The following CDK19 variants were observed in gnomAD, a reference collection of about 807,000 sequenced individuals.
CDK19 encodes cyclin dependent kinase 19, also known as cyclin-dependent kinase 19.
CDK19 carries 20 observed loss-of-function variants against 68.3 expected under a neutral mutation model. The ratio of observed to expected loss-of-function variants is 0.29; its 90% CI spans 0.21 to 0.43. The LOEUF (loss-of-function observed/expected upper bound fraction) is 0.43. Among genes scored for constraint, CDK19 ranks in the 20% least tolerant of loss-of-function variants. CDK19 has a pLI of 1.00. For synonymous variants in CDK19, 221 were observed against 222.8 expected, an observed-to-expected ratio of 0.99 and a Z score of 0.07; for missense variants, 339 against 623.5, an observed-to-expected ratio of 0.54 and a Z score of 4.86.
chr6:110,692,899 A>T (rs1562203228), intron 2 of CDK19, among the ~76,000 whole-genome samples: 1 of 152,196 alleles, frequency 6.6e-6, no homozygotes, highest in Non-Finnish European at 1.5e-5. Flanking sequence ...TGGGAGGCTG[A>T]GGCAGGAGAA....
At chr6:110,646,734 G>T (rs527562718) in intron 4 of CDK19, among the ~76,000 whole-genome samples, 65 of 152,084 alleles carry the variant, frequency 4.3e-4, no homozygotes, top group African/African-American at 1.5e-3. Flanking sequence ...AACCCACCTC[G>T]GCTGCCTCCC....
rs75659531 is a variant in CDK19 at position 110,734,262 on chromosome 6, A to G, written c.204+11864T>C. Among the ~76,000 whole-genome samples, 3,325 of 152,142 alleles carry G rather than the reference A, an allele frequency of 0.022. 357 individuals are homozygous for G. The East Asian group carries it at 0.35, about 16-fold the overall frequency. ...TGAGCTCAAGTGATCCACCCGCCTCAGCCTCCGAAAGTGCTGGGATTACAG... is the reference window on the plus strand; with the variant it reads ...TGAGCTCAAGTGATCCACCCGCCTCGGCCTCCGAAAGTGCTGGGATTACAG... On this transcript the variant is annotated intron_variant, in intron 2 of 12. Transcript: ENST00000368911.
intron 1 of CDK19, among the ~76,000 whole-genome samples, chr6:110,751,795 T>C (rs2114907293): frequency 6.6e-6 from 1 of 152,218 alleles, no homozygotes; most frequent in South Asian, 2.1e-4. Flanking sequence ...ATTACCAGTT[T>C]TTACAACTAG....
chr6:110,765,300 G>A (rs1405282420), intron 1 of CDK19, among the ~76,000 whole-genome samples: 4 of 152,088 alleles, frequency 2.6e-5, no homozygotes, highest in African/African-American at 9.7e-5. Context: ...GATCACTTGA[G>A]CCCTGGAGGT....
At chr6:110,658,743 T>C (rs1398911771) in intron 4 of CDK19, among the ~76,000 whole-genome samples, 3 of 152,180 alleles carry the variant, frequency 2.0e-5, no homozygotes, top group African/African-American at 7.2e-5. Context: ...ATTTCACATA[T>C]TTACACTAGA....
intron 2 of CDK19, among the ~76,000 whole-genome samples, chr6:110,674,800 G>T (rs1353900213): frequency 6.6e-6 from 1 of 151,902 alleles, no homozygotes; most frequent in African/African-American, 2.4e-5. Context: ...TACTCGAGAG[G>T]CTGAGGCAGG....
At chr6:110,793,874 T>C (rs905606474) in intron 1 of CDK19, among the ~76,000 whole-genome samples, 7 of 152,204 alleles carry the variant, frequency 4.6e-5, no homozygotes, top group African/African-American at 1.2e-4. Flanking sequence ...GGTGAATACT[T>C]GTTAATATCC....
chr6:110,756,072 C>G (rs1485408318), intron 1 of CDK19, among the ~76,000 whole-genome samples: 1 of 151,694 alleles, frequency 6.6e-6, no homozygotes, highest in East Asian at 1.9e-4. Flanking sequence ...CAGCCTGGGC[C>G]ACATGGTGAA....
chr6:110,623,473 T>G, intron 8 of CDK19, 111 bp from the exon 9 acceptor site: 1 of 1,428,514 alleles, frequency 7.0e-7, no homozygotes, highest in Non-Finnish European at 9.3e-7. Context: ...TAAGTCATTG[T>G]TTTTTCTGAA....
intron 1 of CDK19, among the ~76,000 whole-genome samples, chr6:110,792,245 A>G (rs1781648470): frequency 6.6e-6 from 1 of 152,170 alleles, no homozygotes; most frequent in African/African-American, 2.4e-5. Flanking sequence ...CTGAGATTAC[A>G]GGCGTGAGCC....
At chr6:110,740,307 G>T (rs1777559870) in intron 2 of CDK19, among the ~76,000 whole-genome samples, 1 of 152,254 alleles carries the variant, frequency 6.6e-6, no homozygotes, top group East Asian at 1.9e-4. Context: ...GGCCACAAAT[G>T]TAATAGACTT....
At chr6:110,772,860 T>C (rs182794539) in intron 1 of CDK19, among the ~76,000 whole-genome samples, 1 of 141,912 alleles carries the variant, frequency 7.0e-6, no homozygotes, top group Admixed American at 7.2e-5. Context: ...ACCACTGCAC[T>C]CAAGGCTGGG....
intron 3 of CDK19, among the ~76,000 whole-genome samples, chr6:110,669,610 G>A (rs1283943096): frequency 6.6e-6 from 1 of 152,180 alleles, no homozygotes; most frequent in East Asian, 1.9e-4. Flanking sequence ...GCAAGACCTT[G>A]TCTCTATAAA....
At position 110,621,147 on chromosome 6, in the gene CDK19, G is replaced by T; in HGVS notation, c.1334C>A (p.Ser445Ter). 2 of 1,614,146 alleles carry T rather than the reference G, an allele frequency of 1.2e-6. No individual in the cohort carries two copies. The highest frequency in any genetic ancestry group is 1.7e-6 in the Non-Finnish European group (2 of 1,180,018). The change falls in exon 12 of 13, where the codon TCA becomes TAA. Residue 445 changes from serine (S) to a stop codon, truncating the protein, a stop_gained. Transcript: ENST00000368911. LOFTEE classifies it high-confidence loss of function. This position sits in a 1 kb window ranked among gnomAD's most constrained non-coding sequence, Gnocchi z 5.4. ...PPNKKPRLGP[S>*]GANSGGPVMP... The stretch of plus-strand genomic sequence containing the variant: ...CACAGGTCCACCTGAGTTTGCGCCT[G>T]AAGGCCCTAGCCGTGGCTTCTTGTT...
intron 1 of CDK19, among the ~76,000 whole-genome samples, chr6:110,797,405 T>C (rs1328124341): frequency 6.6e-6 from 1 of 152,194 alleles, no homozygotes; most frequent in African/African-American, 2.4e-5. Context: ...TTAACATCAC[T>C]ACAAAGAAGA....
At chr6:110,622,322 T>C (rs1289663103) in intron 10 of CDK19, among the ~76,000 whole-genome samples, 156 bp from the exon 11 acceptor site, 1 of 152,252 alleles carries the variant, frequency 6.6e-6, no homozygotes, top group African/African-American at 2.4e-5. Context: ...CTAGTTGACA[T>C]ATAGGACACA....
At chr6:110,714,225 T>A (rs1308946152) in intron 2 of CDK19, among the ~76,000 whole-genome samples, 1 of 152,232 alleles carries the variant, frequency 6.6e-6, no homozygotes, top group African/African-American at 2.4e-5. Context: ...TTTCACATAA[T>A]GTTCTCAAGG....
intron 1 of CDK19, among the ~76,000 whole-genome samples, chr6:110,790,621 G>A (rs1440238392): frequency 6.7e-6 from 1 of 149,852 alleles, no homozygotes; most frequent in Non-Finnish European, 1.5e-5. Flanking sequence ...ATAAGAAATT[G>A]ATCCACAGAT....
At chr6:110,799,548 AAATAGT>A in intron 1 of CDK19, among the ~76,000 whole-genome samples, 1 of 152,242 alleles carries the variant, frequency 6.6e-6, no homozygotes, top group Middle Eastern at 3.4e-3. Flanking sequence ...AATACTTTAT[AAATAGT>A]TATGCTGGGT....
Sources: gnomAD v4.1 joint callset for allele counts (sites outside exome capture counted in the v4.1 genomes callset) on GRCh38, gnomAD v4.1.1 for gene constraint, Gnocchi (gnomAD v3.1) non-coding constraint, MANE v1.5 for transcripts, NCBI Gene and HGNC (gene_info 2026-07-23, HGNC 2026-07-21) for gene names.